The following RIMS1 variants were observed in gnomAD, a reference collection of about 807,000 sequenced individuals.
The protein encoded by RIMS1 is regulating synaptic membrane exocytosis 1, also known as regulating synaptic membrane exocytosis protein 1.
In RIMS1, 83 loss-of-function variants were observed where a neutral mutation model predicts 214.1. That is an observed-to-expected ratio of 0.39 (90% CI 0.32 to 0.47). The LOEUF (loss-of-function observed/expected upper bound fraction) is 0.47, where lower values mean the gene tolerates loss of function less well. Ranked by LOEUF, RIMS1 falls within the 20% of genes least tolerant of loss-of-function variation. RIMS1 has a pLI of 0.99. For missense variants in RIMS1, 2,050 were observed against 2,161.8 expected (o/e 0.95, Z 1.03); for synonymous variants, 793 against 786.8 (o/e 1.01, Z -0.13).
intron 1 of RIMS1, among the ~76,000 whole-genome samples, chr6:71,889,683 A>T (rs2150325003): frequency 6.6e-6 from 1 of 152,296 alleles, no homozygotes; most frequent in East Asian, 1.9e-4. Flanking sequence ...ATGTCTTAAA[A>T]ACTGGGGATA....
chr6:71,913,888 G>GT (rs1777617219), intron 1 of RIMS1, among the ~76,000 whole-genome samples: 1 of 152,068 alleles, frequency 6.6e-6, no homozygotes, highest in African/African-American at 2.4e-5. Flanking sequence ...TACAACTCAG[G>GT]TATGGTAGAA....
In RIMS1 at chr6:72,284,101, T is replaced by G. The variant is rs1462692779; in HGVS notation, c.3537T>G (p.Thr1179=). 6.2e-7 allele frequency: 1 copy of G among 1,613,018 alleles called. No homozygotes were observed. Among genetic ancestry groups the G allele is most frequent in the Non-Finnish European group, 8.5e-7 (1 of 1,179,270 alleles). The change falls in exon 24 of 34, where the codon ACT becomes ACG. Residue 1179 remains threonine (T), a synonymous_variant. Coordinates refer to ENST00000521978, the MANE Select transcript of RIMS1 (RefSeq NM_014989.7). Reference sequence around the variant, plus strand: ...TCCAAAAACAGACTAGGAAAGGCACTGCCTCTGATGCAGAAAGGTAGGCTT... The same window carrying G: ...TCCAAAAACAGACTAGGAAAGGCACGGCCTCTGATGCAGAAAGGTAGGCTT... ...SSIQKQTRKG[T]ASDAERVLPT...
intron 6 of RIMS1, among the ~76,000 whole-genome samples, chr6:72,199,716 T>G (rs1341137104): frequency 6.6e-6 from 1 of 152,076 alleles, no homozygotes; most frequent in African/African-American, 2.4e-5. Context: ...TATAGAATTG[T>G]AGAAAGATAA....
chr6:72,112,758 A>G (rs2153821491), intron 4 of RIMS1, among the ~76,000 whole-genome samples: 1 of 152,196 alleles, frequency 6.6e-6, no homozygotes, highest in East Asian at 1.9e-4. Flanking sequence ...CTTTCTTTTT[A>G]CCATGTTTGA....
intron 1 of RIMS1, among the ~76,000 whole-genome samples, chr6:71,966,266 T>A (rs1794408571): frequency 6.6e-6 from 1 of 152,228 alleles, no homozygotes; most frequent in East Asian, 1.9e-4. Flanking sequence ...TATATCTTAT[T>A]ATGGAAAATG....
At chr6:71,996,227 A>G (rs1803383866) in intron 2 of RIMS1, among the ~76,000 whole-genome samples, 2 of 152,176 alleles carry the variant, frequency 1.3e-5, no homozygotes, top group African/African-American at 4.8e-5. Context: ...AGCCTCAAAC[A>G]TTTTGTCTAT....
At chr6:72,109,236 AAATGGTATTTCTAGTTCT>A (rs1446746061) in intron 4 of RIMS1, among the ~76,000 whole-genome samples, 1 of 152,162 alleles carries the variant, frequency 6.6e-6, no homozygotes, top group Non-Finnish European at 1.5e-5. Flanking sequence ...TGGCTGGGTC[AAATGGTATTTCTAGTTCT>A]AGATCCCTGA....
At chr6:72,325,549 CAACA>C (rs1267759393) in intron 28 of RIMS1, among the ~76,000 whole-genome samples, 4 of 151,162 alleles carry the variant, frequency 2.6e-5, no homozygotes, top group Admixed American at 6.6e-5. Flanking sequence ...TATGTACTAG[CAACA>C]AACAAACCTT....
At chr6:72,074,793 G>A (rs889864984) in intron 2 of RIMS1, among the ~76,000 whole-genome samples, 23 of 152,326 alleles carry the variant, frequency 1.5e-4, no homozygotes, top group Admixed American at 4.6e-4. Flanking sequence ...AGCTGCTGCT[G>A]TAAACAGTAA....
intron 2 of RIMS1, among the ~76,000 whole-genome samples, chr6:72,080,693 C>T (rs892763295): frequency 6.6e-6 from 1 of 152,172 alleles, no homozygotes; most frequent in African/African-American, 2.4e-5. Flanking sequence ...AGCCACTTTG[C>T]CTCAGCCTCA....
chr6:72,078,889 A>G (rs1468370998), intron 2 of RIMS1, among the ~76,000 whole-genome samples: 1 of 152,132 alleles, frequency 6.6e-6, no homozygotes, highest in Non-Finnish European at 1.5e-5. Context: ...ATATCTATAC[A>G]CACATACACA....
At chr6:71,919,236 T>G in intron 1 of RIMS1, among the ~76,000 whole-genome samples, 1 of 151,846 alleles carries the variant, frequency 6.6e-6, no homozygotes, top group Non-Finnish European at 1.5e-5. Flanking sequence ...TGGGGAGAGA[T>G]AGGTGGGAAA....
chr6:72,257,401 T>A (rs2076338655), intron 16 of RIMS1, among the ~76,000 whole-genome samples: 1 of 152,132 alleles, frequency 6.6e-6, no homozygotes, highest in Non-Finnish European at 1.5e-5. Context: ...TTGCAATATG[T>A]TAACTATATT....
intron 23 of RIMS1, among the ~76,000 whole-genome samples, chr6:72,275,210 T>C (rs1282579070): frequency 6.9e-6 from 1 of 145,030 alleles, no homozygotes; most frequent in Non-Finnish European, 1.5e-5. Flanking sequence ...TTTTCCTGAC[T>C]GGTCACAAAG....
intron 2 of RIMS1, among the ~76,000 whole-genome samples, chr6:72,081,072 AC>A (rs1833263386): frequency 6.6e-6 from 1 of 152,172 alleles, no homozygotes; most frequent in African/African-American, 2.4e-5. Context: ...ACTCCACTGA[AC>A]AGCTTTCAGT....
intron 29 of RIMS1, among the ~76,000 whole-genome samples, chr6:72,347,863 G>C (rs1268574240): frequency 6.6e-6 from 1 of 151,888 alleles, no homozygotes; most frequent in African/African-American, 2.4e-5. Flanking sequence ...CTTTTAGGGA[G>C]TTCTCATGTG....
intron 27 of RIMS1, among the ~76,000 whole-genome samples, chr6:72,312,220 T>G (rs1025647326): frequency 1.3e-5 from 2 of 152,158 alleles, no homozygotes; most frequent in Non-Finnish European, 2.9e-5. Context: ...TTCTACAGGT[T>G]TAATAAACAT....
At chr6:72,388,908 T>C (rs1300584308) in intron 29 of RIMS1, among the ~76,000 whole-genome samples, 1 of 152,216 alleles carries the variant, frequency 6.6e-6, no homozygotes, top group African/African-American at 2.4e-5. Context: ...CTATCAGATC[T>C]GTAAATGGAG....
chr6:71,917,916 G>A (rs1260750530), intron 1 of RIMS1, among the ~76,000 whole-genome samples: 1 of 152,188 alleles, frequency 6.6e-6, no homozygotes, highest in East Asian at 1.9e-4. Flanking sequence ...GCATCTGGAT[G>A]ACTAAGGTAC....
Sources: gnomAD v4.1 joint callset for allele counts (sites outside exome capture counted in the v4.1 genomes callset) on GRCh38, gnomAD v4.1.1 for gene constraint, MANE v1.5 for transcripts, NCBI Gene and HGNC (gene_info 2026-07-23, HGNC 2026-07-21) for gene names.